Variants in TMTC2 observed in about 807,000 individuals in gnomAD.
TMTC2 encodes transmembrane O-mannosyltransferase targeting cadherins 2.
Under a neutral mutation model 82.4 loss-of-function variants are expected in TMTC2, and 43 were observed. The ratio of observed to expected loss-of-function variants is 0.52; its 90% CI spans 0.41 to 0.67. The LOEUF (loss-of-function observed/expected upper bound fraction) is 0.67, where lower values mean the gene tolerates loss of function less well. Among genes scored for constraint, TMTC2 ranks in the 30% least tolerant of loss-of-function variants. TMTC2 has a pLI of 0.00. For synonymous variants in TMTC2, 408 were observed against 381.9 expected, an observed-to-expected ratio of 1.07 and a Z score of -0.80; for missense variants, 919 against 1,012.4, an observed-to-expected ratio of 0.91 and a Z score of 1.25.
chr12:82,813,862 G>A (rs1868537641), intron 1 of TMTC2, among the ~76,000 whole-genome samples: 1 of 152,036 alleles, frequency 6.6e-6, no homozygotes, highest in Non-Finnish European at 1.5e-5. Flanking sequence ...AGTAGGTGCT[G>A]GTAGAAAGTG....
chr12:82,923,779 T>C (rs1226168848), intron 3 of TMTC2, among the ~76,000 whole-genome samples: 1 of 152,158 alleles, frequency 6.6e-6, no homozygotes, highest in Non-Finnish European at 1.5e-5. Context: ...ATAGATTAAT[T>C]TGGGGAGAAC....
At chr12:83,109,028 C>G (rs1220097323) in intron 11 of TMTC2, among the ~76,000 whole-genome samples, 2 of 152,190 alleles carry the variant, frequency 1.3e-5, no homozygotes, top group African/African-American at 4.8e-5. Flanking sequence ...CTCAGATAAT[C>G]TCTCATTCCC....
At chr12:82,871,493 A>C (rs2137137128) in intron 2 of TMTC2, among the ~76,000 whole-genome samples, 1 of 152,178 alleles carries the variant, frequency 6.6e-6, no homozygotes, top group South Asian at 2.1e-4. Context: ...ACAATGATGG[A>C]TATTTTCTCT....
chr12:82,802,537 G>A (rs1164631729), intron 1 of TMTC2, among the ~76,000 whole-genome samples: 1 of 152,184 alleles, frequency 6.6e-6, no homozygotes, highest in Non-Finnish European at 1.5e-5. Context: ...GGGACATCAG[G>A]CAATTGGGTA....
At chr12:82,945,230 T>G (rs1876934849) in intron 4 of TMTC2, among the ~76,000 whole-genome samples, 1 of 152,242 alleles carries the variant, frequency 6.6e-6, no homozygotes, top group South Asian at 2.1e-4. Flanking sequence ...CTATGCTCAT[T>G]TGTATTAAAG....
chr12:82,884,372 A>G (rs1250080651), intron 2 of TMTC2, among the ~76,000 whole-genome samples: 3 of 152,204 alleles, frequency 2.0e-5, no homozygotes, highest in Non-Finnish European at 2.9e-5. Context: ...TTTGAAATCA[A>G]TGTGTCCTCT....
chr12:82,751,779 A>T (rs964505811), intron 1 of TMTC2, among the ~76,000 whole-genome samples: 3 of 152,180 alleles, frequency 2.0e-5, no homozygotes, highest in African/African-American at 7.2e-5. Context: ...AAAGAAGGAA[A>T]ATAGTGTGGA....
intron 9 of TMTC2, among the ~76,000 whole-genome samples, chr12:83,038,927 GTTT>G (rs537630267): frequency 9.2e-6 from 1 of 109,108 alleles, no homozygotes; most frequent in Non-Finnish European, 1.8e-5. Context: ...AAGCACCTTG[GTTT>G]TTTTTTTTTT....
At chr12:82,842,828 AT>A (rs909692881) in intron 1 of TMTC2, among the ~76,000 whole-genome samples, 1 of 151,762 alleles carries the variant, frequency 6.6e-6, no homozygotes, top group Non-Finnish European at 1.5e-5. Context: ...GTGTGTCCAA[AT>A]TTTTTTTCTT....
chr12:83,127,238 C>T (rs1164769348), intron 11 of TMTC2, among the ~76,000 whole-genome samples: 2 of 152,134 alleles, frequency 1.3e-5, no homozygotes, highest in East Asian at 3.9e-4. Context: ...TTCAGTCACT[C>T]TTTTTAAAAG....
At chr12:82,756,266 C>T (rs1876319055) in intron 1 of TMTC2, among the ~76,000 whole-genome samples, 1 of 152,180 alleles carries the variant, frequency 6.6e-6, no homozygotes, top group South Asian at 2.1e-4. Context: ...CTTCTCCTAT[C>T]AATAATGATT....
At chr12:82,720,805 G>A (rs554386949) in intron 1 of TMTC2, among the ~76,000 whole-genome samples, 13 of 152,232 alleles carry the variant, frequency 8.5e-5, no homozygotes, top group African/African-American at 2.9e-4. Context: ...ACTTTTGAAC[G>A]TCTTTTCACA....
intron 1 of TMTC2, among the ~76,000 whole-genome samples, chr12:82,851,004 C>T (rs971593447): frequency 4.6e-5 from 7 of 152,008 alleles, no homozygotes; most frequent in African/African-American, 1.5e-4. Context: ...GCAGAGGTTG[C>T]AGTGAGCTGA....
At chr12:82,793,161 A>T (rs1878548846) in intron 1 of TMTC2, among the ~76,000 whole-genome samples, 1 of 152,142 alleles carries the variant, frequency 6.6e-6, no homozygotes, top group Admixed American at 6.5e-5. Flanking sequence ...CTACCTAGCT[A>T]TTTACACAAA....
chr12:82,742,568 G>A (rs1875469819), intron 1 of TMTC2, among the ~76,000 whole-genome samples: 1 of 150,002 alleles, frequency 6.7e-6, no homozygotes, highest in Admixed American at 6.6e-5. Context: ...CGCCCAGGCT[G>A]TAGTGCAATG....
intron 8 of TMTC2, among the ~76,000 whole-genome samples, chr12:83,004,077 A>C (rs1002878745): frequency 2.6e-5 from 4 of 151,888 alleles, no homozygotes; most frequent in Non-Finnish European, 5.9e-5. Context: ...CTTATTCTTT[A>C]TTCTCTTTTT....
intron 1 of TMTC2, among the ~76,000 whole-genome samples, chr12:82,820,939 G>C (rs11115444): frequency 6.6e-6 from 1 of 152,054 alleles, no homozygotes; most frequent in African/African-American, 2.4e-5. Flanking sequence ...GTGCAGTGGC[G>C]GAAAGAACTC....
At position 82,857,877 on chromosome 12, in the gene TMTC2, C is replaced by T. The variant is rs914583743; in HGVS notation, c.654+297C>T. Among the ~76,000 whole-genome samples, 4 of 152,140 alleles carry T rather than the reference C, an allele frequency of 2.6e-5. No individual in the cohort carries two copies. The East Asian group carries it at 7.7e-4, about 29-fold the overall frequency. ...TTATTGAGTTCTTATTTCTATATTTCTGCACAAATTGTCTATAATCTGATA... is the reference window on the plus strand; with the variant it reads ...TTATTGAGTTCTTATTTCTATATTTTTGCACAAATTGTCTATAATCTGATA... On this transcript the variant is annotated intron_variant, in intron 2 of 11. Transcript: ENST00000321196.
Position 82,719,059 on chromosome 12 carries a change from TTATATA to T in TMTC2, c.83+31412_83+31417del, listed in dbSNP as rs1271920285. ...TACAATTCTACAGCTTTAGATGATT[TTATATA>T]TATATATATATATATATATATTTTT... On this transcript the variant is annotated intron_variant, in intron 1 of 11. Transcript: ENST00000321196. Among the ~76,000 whole-genome samples, 13 of 94,444 alleles carry T rather than the reference TTATATA, an allele frequency of 1.4e-4. 1 individual carries two copies. Among genetic ancestry groups the T allele is most frequent in the African/African-American group, 2.3e-4 (5 of 21,532 alleles). The allele number at this position is 94,444 out of a possible 152,430, so 62.0% of individuals were successfully genotyped here.
Sources: gnomAD v4.1 joint callset for allele counts (sites outside exome capture counted in the v4.1 genomes callset) on GRCh38, gnomAD v4.1.1 for gene constraint, MANE v1.5 for transcripts, NCBI Gene and HGNC (gene_info 2026-07-23, HGNC 2026-07-21) for gene names.